The following KCNIP4 variants were observed in gnomAD, a reference collection of about 807,000 sequenced individuals.
The protein encoded by KCNIP4 is potassium voltage-gated channel interacting protein 4.
KCNIP4 carries 12 observed loss-of-function variants against 34.0 expected under a neutral mutation model. The ratio of observed to expected loss-of-function variants is 0.35; its 90% CI spans 0.23 to 0.57. KCNIP4 has a LOEUF of 0.57. KCNIP4 is among the 20% of genes least tolerant of loss of function. The pLI, the probability that KCNIP4 is intolerant of heterozygous loss-of-function variation, is 0.83. For missense variants in KCNIP4, 238 were observed against 311.7 expected, an observed-to-expected ratio of 0.76 and a Z score of 1.78; for synonymous variants, 124 against 102.2, an observed-to-expected ratio of 1.21 and a Z score of -1.29.
intron 1 of KCNIP4, among the ~76,000 whole-genome samples, chr4:21,293,327 T>C (rs1219146337): frequency 6.6e-6 from 1 of 152,062 alleles, no homozygotes; most frequent in Non-Finnish European, 1.5e-5. Context: ...ATGAAGGAGG[T>C]AGGGTTCAAG....
rs7670847 is a variant in KCNIP4 at position 21,905,546 on chromosome 4, T to G, written c.61+43025A>C. ...GCAGCCATAAAAAATGATGAGTTCA[T>G]GTCCTTTGTAGGGACATGGATGAAA... On this transcript the variant is annotated intron_variant, in intron 1 of 8. Transcript: ENST00000382152. Among the ~76,000 whole-genome samples, 3 of 152,182 alleles carry G rather than the reference T, an allele frequency of 2.0e-5. No homozygotes were observed. In the East Asian group the frequency reaches 5.8e-4, roughly 29 times the overall value.
At chr4:21,576,572 G>A (rs1352359710) in intron 1 of KCNIP4, among the ~76,000 whole-genome samples, 1 of 152,118 alleles carries the variant, frequency 6.6e-6, no homozygotes, top group African/African-American at 2.4e-5. Flanking sequence ...TTGATATGCT[G>A]TCCAAACTTG....
chr4:21,335,921 A>G (rs1716134304), intron 1 of KCNIP4, among the ~76,000 whole-genome samples: 2 of 152,160 alleles, frequency 1.3e-5, no homozygotes, highest in African/African-American at 4.8e-5. Context: ...TCTGGGGTCT[A>G]TTAGTACCCT....
rs947904945 is a variant in KCNIP4 at position 21,500,552 on chromosome 4, T to C, written c.61+448019A>G. Among the ~76,000 whole-genome samples the C allele has an allele frequency of 9.8e-5, 15 of 152,286 alleles. No individual in the cohort carries two copies. The East Asian group carries it at 2.7e-3, about 27-fold the overall frequency. ...GATTTTTTAGTTATGAAAAAGTACA[T>C]GTAAGTAAAAGTCATTGCGTTATTA... is the stretch of plus-strand genomic sequence containing the variant. On this transcript the variant is annotated intron_variant, in intron 1 of 8. Transcript: ENST00000382152.
intron 1 of KCNIP4, among the ~76,000 whole-genome samples, chr4:21,893,471 T>A (rs1727219727): frequency 6.6e-6 from 1 of 152,188 alleles, no homozygotes. Context: ...TCAGTTCCCA[T>A]CAATGAGTAA....
chr4:21,182,959 C>T (rs1754952213), intron 1 of KCNIP4, among the ~76,000 whole-genome samples: 1 of 151,972 alleles, frequency 6.6e-6, no homozygotes. Context: ...CTAAGTTATT[C>T]CTCCTATCTA....
chr4:21,119,428 G>T (rs1749954202), intron 1 of KCNIP4, among the ~76,000 whole-genome samples: 1 of 143,510 alleles, frequency 7.0e-6, no homozygotes, highest in Non-Finnish European at 1.5e-5. Context: ...TGAGTACACT[G>T]ATGTCTGTGG....
intron 1 of KCNIP4, among the ~76,000 whole-genome samples, chr4:21,627,443 A>G (rs1378612008): frequency 1.3e-5 from 2 of 152,086 alleles, no homozygotes; most frequent in East Asian, 3.9e-4. Flanking sequence ...TTTTTCATTC[A>G]TCTTTAAACA....
At chr4:20,761,133 T>G (rs1436331575) in intron 3 of KCNIP4, among the ~76,000 whole-genome samples, 1 of 152,098 alleles carries the variant, frequency 6.6e-6, no homozygotes, top group Admixed American at 6.5e-5. Context: ...AGAGTGTTCT[T>G]CAGACATCAT....
At chr4:21,754,982 A>G (rs1029511962) in intron 1 of KCNIP4, among the ~76,000 whole-genome samples, 2 of 152,106 alleles carry the variant, frequency 1.3e-5, no homozygotes, top group Admixed American at 6.6e-5. Flanking sequence ...CCCTGTCTCT[A>G]CTAAAAATAC....
intron 1 of KCNIP4, among the ~76,000 whole-genome samples, chr4:21,063,209 A>G (rs771725539): frequency 2.0e-5 from 3 of 152,094 alleles, no homozygotes; most frequent in African/African-American, 4.8e-5. Flanking sequence ...AGCTCCCAGA[A>G]TCAAAATTCT....
intron 1 of KCNIP4, among the ~76,000 whole-genome samples, chr4:21,709,600 T>C (rs1713558356): frequency 6.6e-6 from 1 of 152,082 alleles, no homozygotes; most frequent in Admixed American, 6.5e-5. Flanking sequence ...AAGATGCAAA[T>C]AATTTTTTTT....
At chr4:20,752,063 T>TG (rs1189166243) in intron 4 of KCNIP4, among the ~76,000 whole-genome samples, 1 of 143,088 alleles carries the variant, frequency 7.0e-6, no homozygotes, top group African/African-American at 2.5e-5. Context: ...GAGTTTTTTT[T>TG]TTTTTTTTTT....
chr4:21,681,883 TA>T (rs1750387718), intron 1 of KCNIP4, among the ~76,000 whole-genome samples: 1 of 146,046 alleles, frequency 6.8e-6, no homozygotes, highest in African/African-American at 2.7e-5. Context: ...CTTTTTTTTT[TA>T]TTTTTATTTA....
At chr4:21,074,495 A>AT (rs1185428466) in intron 1 of KCNIP4, among the ~76,000 whole-genome samples, 1 of 152,060 alleles carries the variant, frequency 6.6e-6, no homozygotes, top group Non-Finnish European at 1.5e-5. Context: ...CCCCTTTATC[A>AT]TTTTTTATTG....
chr4:21,488,470 G>A (rs1223626263), intron 1 of KCNIP4, among the ~76,000 whole-genome samples: 1 of 151,800 alleles, frequency 6.6e-6, no homozygotes, highest in East Asian at 1.9e-4. Flanking sequence ...AATTTTGTAG[G>A]AAAAAGAGGA....
chr4:21,332,834 A>T (rs1578089967), intron 1 of KCNIP4, among the ~76,000 whole-genome samples: 1 of 152,110 alleles, frequency 6.6e-6, no homozygotes, highest in East Asian at 1.9e-4. Flanking sequence ...CTGTTCCTCA[A>T]AACAATCCAG....
intron 1 of KCNIP4, among the ~76,000 whole-genome samples, chr4:21,266,308 CT>C: frequency 6.6e-6 from 1 of 152,058 alleles, no homozygotes; most frequent in Non-Finnish European, 1.5e-5. Context: ...ACAAATTATC[CT>C]TCTCACTTTT....
intron 1 of KCNIP4, among the ~76,000 whole-genome samples, chr4:21,900,335 C>T (rs1186197680): frequency 6.6e-6 from 1 of 152,072 alleles, no homozygotes; most frequent in Non-Finnish European, 1.5e-5. Flanking sequence ...CCAGAGTGTC[C>T]TATCTGATAA....
Sources: allele counts gnomAD v4.1 joint callset (sites outside exome capture counted in the v4.1 genomes callset), GRCh38; gene constraint gnomAD v4.1.1; transcripts MANE v1.5; gene names NCBI Gene and HGNC (gene_info 2026-07-23, HGNC 2026-07-21).